IL1RN: variants seen among roughly 807,000 people sequenced by gnomAD.
IL1RN encodes the protein interleukin-1 receptor antagonist protein.
Under a neutral mutation model 13.7 loss-of-function variants are expected in IL1RN, and 10 were observed. That is an observed-to-expected ratio of 0.73 (90% confidence interval 0.45 to 1.24). IL1RN has a LOEUF of 1.24. Ranked by LOEUF, IL1RN falls within the 50% of genes most tolerant of loss-of-function variation. IL1RN has a pLI of 0.00. For synonymous variants in IL1RN, 102 were observed against 82.7 expected (o/e 1.23, Z -1.27); for missense variants, 213 against 222.1 (o/e 0.96, Z 0.26).
chr2:113,129,809 G>T, intron 2 of IL1RN, 145 bp downstream of exon 2: 1 of 692,556 alleles, frequency 1.4e-6, no homozygotes, highest in Non-Finnish European at 2.7e-6. Flanking sequence ...GAAGCTGGGA[G>T]GGCCTGGCTA....
At chr2:113,102,844 C>A (rs1254500431), upstream of IL1RN, among the ~76,000 whole-genome samples, 1 of 152,168 alleles carries the variant, frequency 6.6e-6, no homozygotes, top group Non-Finnish European at 1.5e-5. Context: ...TCAGTTAAGG[C>A]AGGAACTGGC....
chr2:113,102,732 A>G (rs535799497), upstream of IL1RN, among the ~76,000 whole-genome samples: 17 of 152,212 alleles, frequency 1.1e-4, no homozygotes, highest in Admixed American at 1.0e-3. Context: ...TGGGGGTCAC[A>G]AGGTGCTCAG....
At chr2:113,104,355 G>A (rs1686357410), upstream of IL1RN, among the ~76,000 whole-genome samples, 1 of 152,132 alleles carries the variant, frequency 6.6e-6, no homozygotes, top group Admixed American at 6.5e-5. Context: ...AGACTAGTGG[G>A]TGTTCTGGGG....
At chr2:113,122,265 G>A (rs1389191358) in intron 2 of IL1RN, among the ~76,000 whole-genome samples, 10 of 152,206 alleles carry the variant, frequency 6.6e-5, no homozygotes, top group Non-Finnish European at 1.3e-4. Context: ...CGACAAACTA[G>A]ATTTATCAGT....
chr2:113,122,550 T>A (rs1366146142), intron 2 of IL1RN, among the ~76,000 whole-genome samples: 2 of 152,192 alleles, frequency 1.3e-5, no homozygotes, highest in African/African-American at 4.8e-5. Flanking sequence ...GGAGATTCAA[T>A]TGTTAAACTT....
chr2:113,125,519 G>A (rs1686924573), upstream of IL1RN, among the ~76,000 whole-genome samples: 1 of 152,194 alleles, frequency 6.6e-6, no homozygotes, highest in Non-Finnish European at 1.5e-5. Context: ...ACACAATTTT[G>A]CAGAAATGTT....
At chr2:113,132,406 C>T (rs962411231) in intron 3 of IL1RN, among the ~76,000 whole-genome samples, 2 of 152,176 alleles carry the variant, frequency 1.3e-5, no homozygotes, top group Non-Finnish European at 2.9e-5. Context: ...CGAGATTGTG[C>T]CACTGCACTC....
upstream of IL1RN, among the ~76,000 whole-genome samples, chr2:113,113,792 A>C (rs768157165): frequency 1.3e-5 from 2 of 152,180 alleles, no homozygotes; most frequent in Non-Finnish European, 2.9e-5. Flanking sequence ...GAAAAGGAGG[A>C]GCTGCTCAGC....
At chr2:113,129,464 C>G in intron 1 of IL1RN, 112 bp from the exon 2 acceptor site, 1 of 775,838 alleles carries the variant, frequency 1.3e-6, no homozygotes, top group South Asian at 1.4e-5. Context: ...TACTATACCC[C>G]TGGAAGAGCT....
intron 1 of IL1RN, among the ~76,000 whole-genome samples, chr2:113,119,107 C>G (rs1410813693): frequency 6.6e-6 from 1 of 152,152 alleles, no homozygotes; most frequent in Non-Finnish European, 1.5e-5. Context: ...ATTCTCCTTT[C>G]TGGGTCTTAC....
Position 113,120,157 on chromosome 2 carries a change from A to G in IL1RN, c.73+29A>G, listed in dbSNP as rs755853292. The G allele has an allele frequency of 3.3e-6, 5 of 1,532,052 alleles. No homozygotes were observed. In the South Asian group the frequency reaches 5.6e-5, roughly 17 times the overall value. 94.9% of individuals were successfully genotyped at this position (1,532,052 alleles called of 1,614,324 possible). On this transcript the variant is annotated intron_variant, in intron 2 of 5. Coordinates refer to the IL1RN transcript ENST00000259206. The stretch of plus-strand genomic sequence containing the variant: ...AATTATTTTTAGGATCCAAGTTTGA[A>G]AACAATTTTAGGCTACTAGATATGA...
upstream of IL1RN, among the ~76,000 whole-genome samples, chr2:113,116,038 C>T (rs533315665): frequency 2.0e-5 from 3 of 152,210 alleles, no homozygotes; most frequent in South Asian, 4.1e-4. Context: ...AAGCACTTTA[C>T]AGTTGTTAGC....
upstream of IL1RN, among the ~76,000 whole-genome samples, chr2:113,102,527 G>A (rs914180421): frequency 4.6e-5 from 7 of 152,316 alleles, no homozygotes; most frequent in South Asian, 6.2e-4. Flanking sequence ...GAGGTCAGGC[G>A]TGTCACGTGC....
upstream of IL1RN, among the ~76,000 whole-genome samples, chr2:113,126,472 T>C (rs2104449603): frequency 6.6e-6 from 1 of 152,330 alleles, no homozygotes; most frequent in Non-Finnish European, 1.5e-5. Context: ...CACTGCAACG[T>C]ATGCTTCTGC....
chr2:113,115,730 C>A (rs1212601139), upstream of IL1RN: 1 of 152,228 alleles, frequency 6.6e-6, no homozygotes, highest in Admixed American at 6.5e-5. Flanking sequence ...GCCACTGATC[C>A]ATCAGAACTT....
upstream of IL1RN, among the ~76,000 whole-genome samples, chr2:113,104,219 A>C (rs572220208): frequency 6.6e-6 from 1 of 152,210 alleles, no homozygotes; most frequent in Admixed American, 6.5e-5. Context: ...TTAGCTGGTC[A>C]CTTTGAAAGG....
chr2:113,123,041 C>T (rs1352239837), upstream of IL1RN, among the ~76,000 whole-genome samples: 1 of 152,144 alleles, frequency 6.6e-6, no homozygotes, highest in Non-Finnish European at 1.5e-5. Context: ...AGGGGAATTG[C>T]TTGAACCTGG....
intron 2 of IL1RN, chr2:113,129,866 G>A (rs996191854): frequency 6.8e-6 from 4 of 587,224 alleles, no homozygotes; most frequent in Non-Finnish European, 9.4e-6. Flanking sequence ...TGGAGAGGTA[G>A]AGTCTAGGTC....
At chr2:113,114,116 G>T (rs566484687), upstream of IL1RN, among the ~76,000 whole-genome samples, 3 of 152,238 alleles carry the variant, frequency 2.0e-5, no homozygotes, top group Non-Finnish European at 4.4e-5. Context: ...GCAGCCAGAC[G>T]TTGTGAGAGG....
Sources: gnomAD v4.1 joint callset for allele counts (sites outside exome capture counted in the v4.1 genomes callset) on GRCh38, gnomAD v4.1.1 for gene constraint, MANE v1.5 for transcripts, NCBI Gene and HGNC (gene_info 2026-07-23, HGNC 2026-07-21) for gene names.